RTN4RL2: variants seen among roughly 807,000 people sequenced by gnomAD.
RTN4RL2 encodes reticulon 4 receptor like 2.
A neutral mutation model predicts 27.8 loss-of-function variants in RTN4RL2; 9 were observed. The ratio of observed to expected loss-of-function variants is 0.32; its 90% CI spans 0.20 to 0.57. The LOEUF (loss-of-function observed/expected upper bound fraction) is 0.57. Among genes scored for constraint, RTN4RL2 ranks in the 20% least tolerant of loss-of-function variants. RTN4RL2 has a pLI of 0.90. For missense variants in RTN4RL2, 436 were observed against 596.8 expected, an observed-to-expected ratio of 0.73 and a Z score of 2.81; for synonymous variants, 285 against 297.9, an observed-to-expected ratio of 0.96 and a Z score of 0.45.
In RTN4RL2 at chr11:57,476,093, G is replaced by A; in HGVS notation, c.514-69G>A. The A allele has an allele frequency of 6.8e-7, 1 of 1,470,870 alleles. No individual in the cohort carries two copies. Among genetic ancestry groups the A allele is most frequent in the Non-Finnish European group, 9.2e-7 (1 of 1,087,192 alleles). The allele number at this position is 1,470,870 out of a possible 1,614,324, so 91.1% of individuals were successfully genotyped here. ...CACCCCCTTCCCTCCCCCGGCCAAG[G>A]CCCCAGCGGGGTCTGCACCCTACCT... is the stretch of plus-strand genomic sequence containing the variant. On this transcript the variant is annotated intron_variant, in intron 2 of 2. Coordinates refer to ENST00000335099, the MANE Select transcript of RTN4RL2 (RefSeq NM_178570.3). This position sits in a 1 kb window ranked among gnomAD's most constrained non-coding sequence, Gnocchi z 8.2.
chr11:57,467,830 C>A lies in RTN4RL2; in HGVS notation c.253C>A (p.Leu85Ile). Residue 85 changes from leucine (L) to isoleucine (I), a missense_variant, in exon 2 of 3, where the codon CTC (leucine) becomes ATC (isoleucine). Physicochemically the swap from Leu to Ile is conservative, Grantham distance 5. Coordinates refer to ENST00000335099, the MANE Select transcript of RTN4RL2 (RefSeq NM_178570.3). The surrounding 1 kb of genome is among the most constrained non-coding windows in gnomAD (Gnocchi z 5.5). Reference protein sequence around the residue: ...LRPGTFGSNLLTLWLFSNNLS... With the variant: ...LRPGTFGSNLITLWLFSNNLS... ...GCCAGGCACCTTTGGGTCCAACCTG[C>A]TCACCCTGTGGCTCTTCTCCAACAA... 1 of 1,614,220 alleles carries A rather than the reference C, an allele frequency of 6.2e-7. No individual in the cohort carries two copies. Among genetic ancestry groups the A allele is most frequent in the Non-Finnish European group, 8.5e-7 (1 of 1,180,036 alleles).
At chr11:57,464,824 A>G (rs1943509679) in intron 1 of RTN4RL2, among the ~76,000 whole-genome samples, 1 of 152,050 alleles carries the variant, frequency 6.6e-6, no homozygotes, top group Non-Finnish European at 1.5e-5. Flanking sequence ...GGTGAGAGAC[A>G]TTGCTCCTCC....
At position 57,465,238 on chromosome 11, in the gene RTN4RL2, G is replaced by A. The variant is rs553221120; in HGVS notation, c.32-2371G>A. 2.7e-3 allele frequency among the ~76,000 whole-genome samples: 410 copies of A among 152,360 alleles called. 4 individuals carry two copies. The highest frequency in any genetic ancestry group is 6.0e-3 in the South Asian group (29 of 4,834). On this transcript the variant is annotated intron_variant, in intron 1 of 2. Transcript: ENST00000335099. The stretch of plus-strand genomic sequence containing the variant: ...GTCCCATGCGTGCACACCTGGCTGA[G>A]CAGCACTGCATTTGGTGAGCACCTG...
Position 57,476,376 on chromosome 11 carries a change from C to G in RTN4RL2, c.728C>G (p.Pro243Arg). 6.2e-7 allele frequency: 1 copy of G among 1,608,352 alleles called. No individual in the cohort carries two copies. Reference sequence around the variant, plus strand: ...TTCAACAACAGCCTGGCCTCGCTGCCCGGCGAGGCGCTCGCCGACCTGCCC... The same window carrying G: ...TTCAACAACAGCCTGGCCTCGCTGCGCGGCGAGGCGCTCGCCGACCTGCCC... ...YLFNNSLASL[P>R]GEALADLPSL... The change falls in exon 3 of 3, where the codon CCC becomes CGC. Residue 243 changes from proline to arginine, a missense_variant. Coordinates refer to ENST00000335099, the MANE Select transcript of RTN4RL2 (RefSeq NM_178570.3). This position sits in a 1 kb window ranked among gnomAD's most constrained non-coding sequence, Gnocchi z 8.2.
At chr11:57,461,049 G>C (rs990409846) in intron 1 of RTN4RL2, among the ~76,000 whole-genome samples, 153 bp downstream of exon 1, 1 of 152,142 alleles carries the variant, frequency 6.6e-6, no homozygotes, top group Admixed American at 6.5e-5. Context: ...CCGCCGCCAG[G>C]GCTGTTCTCA....
chr11:57,461,090 G>T (rs746536578), intron 1 of RTN4RL2, among the ~76,000 whole-genome samples, 194 bp downstream of exon 1: 27 of 152,180 alleles, frequency 1.8e-4, no homozygotes, highest in Non-Finnish European at 3.2e-4. Context: ...GAGCCCGCGG[G>T]CGCGTGCGAG....
At chr11:57,462,199 C>T (rs759158349) in intron 1 of RTN4RL2, among the ~76,000 whole-genome samples, 55 of 152,244 alleles carry the variant, frequency 3.6e-4, no homozygotes, top group Non-Finnish European at 6.6e-4. Flanking sequence ...GCCGCCACCA[C>T]GGTGGCTGCT....
At position 57,467,485 on chromosome 11, in the gene RTN4RL2, A is replaced by G. The variant is rs1207105203; in HGVS notation, c.32-124A>G. The G allele has an allele frequency of 6.7e-7, 1 of 1,491,122 alleles. No homozygotes were observed. Among genetic ancestry groups the G allele is most frequent in the Non-Finnish European group, 8.9e-7 (1 of 1,123,748 alleles). The allele number at this position is 1,491,122 out of a possible 1,614,324, so 92.4% of individuals were successfully genotyped here. A position where few individuals can be genotyped will look rare whatever the true frequency, so the allele number is the denominator to read the frequency against. On this transcript the variant is annotated intron_variant, in intron 1 of 2. Coordinates refer to ENST00000335099, the MANE Select transcript of RTN4RL2 (RefSeq NM_178570.3). This position sits in a 1 kb window ranked among gnomAD's most constrained non-coding sequence, Gnocchi z 5.5. ...TGCCTTGGCCTCCCAAAGTGCTGGG[A>G]TTACAGGTGTGAGCCACCATATTCA...
intron 2 of RTN4RL2, among the ~76,000 whole-genome samples, chr11:57,470,703 A>AT (rs1327220841): frequency 1.5e-4 from 23 of 152,208 alleles, no homozygotes; most frequent in African/African-American, 5.3e-4. Flanking sequence ...CTACAAATTG[A>AT]TCATGCATTT....
chr11:57,461,255 C>A (rs1483127574), intron 1 of RTN4RL2, among the ~76,000 whole-genome samples: 2 of 152,144 alleles, frequency 1.3e-5, no homozygotes, highest in Non-Finnish European at 2.9e-5. Context: ...TCCTCCTGCC[C>A]GGTGCCTCAG....
chr11:57,474,383 G>A (rs1191113993), intron 2 of RTN4RL2, among the ~76,000 whole-genome samples: 2 of 152,112 alleles, frequency 1.3e-5, no homozygotes, highest in Admixed American at 6.5e-5. Context: ...GTGGGTGTAG[G>A]CTGGGAGTCA....
chr11:57,473,917 CT>C (rs1469465937), intron 2 of RTN4RL2, among the ~76,000 whole-genome samples: 2 of 152,172 alleles, frequency 1.3e-5, no homozygotes, highest in Non-Finnish European at 2.9e-5. Context: ...GTCTACTCTT[CT>C]GACCTCCCGA....
intron 2 of RTN4RL2, chr11:57,468,464 C>T (rs752400048): frequency 3.4e-5 from 38 of 1,128,972 alleles, no homozygotes; most frequent in South Asian, 3.4e-4. Flanking sequence ...CCTTCACACA[C>T]CCACTCCGCA....
At chr11:57,472,154 G>T (rs560086066) in intron 2 of RTN4RL2, among the ~76,000 whole-genome samples, 1 of 151,660 alleles carries the variant, frequency 6.6e-6, no homozygotes, top group Non-Finnish European at 1.5e-5. Context: ...CACCGCACCC[G>T]CCGACACTTG....
intron 2 of RTN4RL2, among the ~76,000 whole-genome samples, chr11:57,474,202 G>A (rs1943581840): frequency 6.6e-6 from 1 of 152,112 alleles, no homozygotes; most frequent in African/African-American, 2.4e-5. Flanking sequence ...TGGGGTGGTG[G>A]CAGCAGGGGG....
chr11:57,468,855 ATTG>A (rs1943544316), intron 2 of RTN4RL2: 2 of 925,800 alleles, frequency 2.2e-6, no homozygotes, highest in Non-Finnish European at 3.4e-6. Context: ...ATTGTTATTC[ATTG>A]TTATTATTAT....
chr11:57,476,188 C>G lies in RTN4RL2; in HGVS notation c.540C>G (p.Asn180Lys), dbSNP rs763278752. The change falls in exon 3 of 3, where the codon AAC becomes AAG. Residue 180 changes from asparagine to lysine, a missense_variant. Coordinates refer to ENST00000335099, the MANE Select transcript of RTN4RL2 (RefSeq NM_178570.3). The surrounding 1 kb of genome is among the most constrained non-coding windows in gnomAD (Gnocchi z 8.2). ...ATGACTTGTTCGCGGACCTGGCCAACCTGAGCCACCTCTTCCTCCACGGGA... is the reference window on the plus strand; with the variant it reads ...ATGACTTGTTCGCGGACCTGGCCAAGCTGAGCCACCTCTTCCTCCACGGGA... ...LQDDLFADLANLSHLFLHGNR... is the reference protein window; with the variant it reads ...LQDDLFADLAKLSHLFLHGNR... The G allele has an allele frequency of 6.2e-6, 10 of 1,609,236 alleles. No homozygotes were observed. The highest frequency in any genetic ancestry group is 1.3e-5 in the African/African-American group (1 of 74,832).
intron 1 of RTN4RL2, among the ~76,000 whole-genome samples, chr11:57,462,842 A>G (rs1943494169): frequency 6.6e-6 from 1 of 152,198 alleles, no homozygotes; most frequent in Non-Finnish European, 1.5e-5. Flanking sequence ...TGACTCCCAC[A>G]TGTAATCACT....
chr11:57,463,294 T>C (rs745520380), intron 1 of RTN4RL2, among the ~76,000 whole-genome samples: 2 of 152,160 alleles, frequency 1.3e-5, no homozygotes, highest in Non-Finnish European at 2.9e-5. Flanking sequence ...TAGGACAAAA[T>C]AGGTGCTTCT....
Sources: allele counts gnomAD v4.1 joint callset (sites outside exome capture counted in the v4.1 genomes callset), GRCh38; gene constraint gnomAD v4.1.1; non-coding constraint Gnocchi (gnomAD v3.1); transcripts MANE v1.5; gene names NCBI Gene and HGNC (gene_info 2026-07-23, HGNC 2026-07-21).